PRKD1: variants seen among roughly 807,000 people sequenced by gnomAD.
PRKD1 encodes serine/threonine-protein kinase D1.
In PRKD1, 63 loss-of-function variants were observed where a neutral mutation model predicts 95.9. That is an observed-to-expected ratio of 0.66 (90% CI 0.54 to 0.81). The LOEUF is 0.81. PRKD1 is among the 30% of genes least tolerant of loss of function. The pLI, the probability that PRKD1 is intolerant of heterozygous loss-of-function variation, is 0.00. For missense variants in PRKD1, 1,048 were observed against 1,165.3 expected (o/e 0.90, Z 1.47); for synonymous variants, 425 against 423.1 (o/e 1.00, Z -0.05).
At position 29,726,020 on chromosome 14, in the gene PRKD1, G is replaced by A. The variant is rs117876161; in HGVS notation, c.265-346C>T. Among the ~76,000 whole-genome samples, 25 of 152,198 alleles carry A rather than the reference G, an allele frequency of 1.6e-4. No homozygotes were observed. In the East Asian group the frequency reaches 4.8e-3, roughly 29 times the overall value. On this transcript the variant is annotated intron_variant, in intron 1 of 17. Transcript: ENST00000331968. Reference sequence around the variant, plus strand: ...GGTGTGCACTTTCAGATGATTTACAGCAATCCAGTAACATAAAAAATGGGA... The same window carrying A: ...GGTGTGCACTTTCAGATGATTTACAACAATCCAGTAACATAAAAAATGGGA...
chr14:29,696,860 G>A (rs1289323100), intron 2 of PRKD1, among the ~76,000 whole-genome samples: 1 of 152,014 alleles, frequency 6.6e-6, no homozygotes, highest in Non-Finnish European at 1.5e-5. Context: ...CTTATACTCA[G>A]CTTCCATGGA....
chr14:29,775,940 G>A (rs550981480), intron 1 of PRKD1, among the ~76,000 whole-genome samples: 7 of 152,108 alleles, frequency 4.6e-5, no homozygotes, highest in Non-Finnish European at 1.0e-4. Flanking sequence ...GCCCCTCTGA[G>A]ACGAAGCTTC....
intron 1 of PRKD1, among the ~76,000 whole-genome samples, chr14:29,775,223 C>T (rs111647126): frequency 0.011 from 1,682 of 152,298 alleles, 31 homozygotes; most frequent in African/African-American, 0.038. Flanking sequence ...GTGTGAGCGA[C>T]GCAGAAGGCG....
chr14:29,642,761 T>C (rs1428510917), intron 4 of PRKD1, among the ~76,000 whole-genome samples: 1 of 152,168 alleles, frequency 6.6e-6, no homozygotes, highest in African/African-American at 2.4e-5. Context: ...CTAACTATAA[T>C]AAAGTGAAAA....
intron 1 of PRKD1, among the ~76,000 whole-genome samples, chr14:29,847,285 T>C (rs556078596): frequency 2.0e-5 from 3 of 152,266 alleles, no homozygotes; most frequent in Admixed American, 6.5e-5. Context: ...ACAAGACCCA[T>C]AAATGCTAAA....
At chr14:29,838,807 T>C (rs1442128693) in intron 1 of PRKD1, among the ~76,000 whole-genome samples, 1 of 152,200 alleles carries the variant, frequency 6.6e-6, no homozygotes, top group Non-Finnish European at 1.5e-5. Flanking sequence ...TGCTATAACA[T>C]GTTTGAACAG....
chr14:29,873,410 A>G (rs1445146866), intron 1 of PRKD1, among the ~76,000 whole-genome samples: 1 of 152,032 alleles, frequency 6.6e-6, no homozygotes, highest in East Asian at 1.9e-4. Context: ...AATTTCAGGC[A>G]CTCTCTCAAG....
At chr14:29,744,261 C>T (rs971261041) in intron 1 of PRKD1, among the ~76,000 whole-genome samples, 3 of 152,172 alleles carry the variant, frequency 2.0e-5, no homozygotes, top group Non-Finnish European at 2.9e-5. Context: ...TTTGCTGCTC[C>T]GCATCTCAAG....
rs1446418247 is a variant in PRKD1, at chr14:29,576,912, C to G, written c.*326G>C. The stretch of plus-strand genomic sequence containing the variant: ...CTTCACAGATACATTCTGTCTCTTA[C>G]CAAAATGAAGCTCCAGTAAGAAAAA... On this transcript the variant is annotated 3_prime_UTR_variant, in exon 18 of 18. Transcript: ENST00000331968. The G allele has an allele frequency of 1.4e-4, 49 of 344,074 alleles. No homozygotes were observed. The Admixed American group carries it at 1.9e-3, about 13-fold the overall frequency. 21.3% of individuals were successfully genotyped at this position (344,074 alleles called of 1,614,324 possible).
At chr14:29,581,940 C>A (rs1362581435) in intron 16 of PRKD1, among the ~76,000 whole-genome samples, 1 of 152,084 alleles carries the variant, frequency 6.6e-6, no homozygotes, top group Admixed American at 6.6e-5. Flanking sequence ...ATTCTTTGAG[C>A]AAGTCTTAAA....
chr14:29,652,738 T>A (rs1162108563), intron 4 of PRKD1: 1 of 152,242 alleles, frequency 6.6e-6, no homozygotes, highest in East Asian at 1.9e-4. Context: ...AAAATGACTT[T>A]TTATTTCAGA....
chr14:29,675,126 G>C (rs1883080243), intron 2 of PRKD1, among the ~76,000 whole-genome samples: 1 of 152,188 alleles, frequency 6.6e-6, no homozygotes, highest in East Asian at 1.9e-4. Context: ...GAGGGAACTT[G>C]GTACTTAGAG....
At chr14:29,704,678 C>G (rs981135844) in intron 2 of PRKD1, among the ~76,000 whole-genome samples, 13 of 152,150 alleles carry the variant, frequency 8.5e-5, no homozygotes, top group Non-Finnish European at 1.6e-4. Context: ...TCAACAGTAA[C>G]TGGTTTTCTT....
intron 1 of PRKD1, among the ~76,000 whole-genome samples, chr14:29,768,836 G>C (rs1888378293): frequency 6.6e-6 from 1 of 152,006 alleles, no homozygotes; most frequent in African/African-American, 2.4e-5. Context: ...CTGAAACTGG[G>C]TTCAAAAGCC....
chr14:29,621,516 T>C (rs942087640), intron 13 of PRKD1, among the ~76,000 whole-genome samples: 1 of 152,104 alleles, frequency 6.6e-6, no homozygotes, highest in Admixed American at 6.6e-5. Flanking sequence ...GAACATATTT[T>C]AAAATAATTG....
chr14:29,712,343 G>A (rs1311746569), intron 2 of PRKD1, among the ~76,000 whole-genome samples: 2 of 151,936 alleles, frequency 1.3e-5, no homozygotes, highest in Non-Finnish European at 2.9e-5. Context: ...TTTTTCTCTG[G>A]ATTAACAAGT....
chr14:29,739,926 T>C (rs1886908605), intron 1 of PRKD1, among the ~76,000 whole-genome samples: 1 of 152,210 alleles, frequency 6.6e-6, no homozygotes, highest in Admixed American at 6.5e-5. Flanking sequence ...GCAATTTCTG[T>C]GTATAGACTT....
intron 1 of PRKD1, among the ~76,000 whole-genome samples, chr14:29,755,175 C>G (rs1887641341): frequency 6.6e-6 from 1 of 152,104 alleles, no homozygotes; most frequent in South Asian, 2.1e-4. Flanking sequence ...TTTATGAATT[C>G]TGTGTCTGCT....
At chr14:29,889,145 T>C (rs185318784) in intron 1 of PRKD1, among the ~76,000 whole-genome samples, 77 of 152,288 alleles carry the variant, frequency 5.1e-4, no homozygotes, top group African/African-American at 1.8e-3. Flanking sequence ...GGTATTTGGA[T>C]ATAAGCGTCT....
Sources: allele counts gnomAD v4.1 joint callset (sites outside exome capture counted in the v4.1 genomes callset), GRCh38; gene constraint gnomAD v4.1.1; transcripts MANE v1.5; gene names NCBI Gene and HGNC (gene_info 2026-07-23, HGNC 2026-07-21).